The following AQP9 variants were observed in gnomAD, a reference collection of about 807,000 sequenced individuals.
AQP9 encodes the protein aquaporin 9, also known as aquaporin-9.
Under a neutral mutation model 23.8 loss-of-function variants are expected in AQP9, and 19 were observed. The ratio of observed to expected loss-of-function variants is 0.80; its 90% CI spans 0.56 to 1.17. The LOEUF (loss-of-function observed/expected upper bound fraction) is 1.17, where lower values mean the gene tolerates loss of function less well. AQP9 is among the 50% of genes most tolerant of loss of function. The pLI, the probability that AQP9 is intolerant of heterozygous loss-of-function variation, is 0.00. For synonymous variants in AQP9, 153 were observed against 131.5 expected (o/e 1.16, Z -1.12); for missense variants, 413 against 362.0 (o/e 1.14, Z -1.14).
intron 1 of AQP9, among the ~76,000 whole-genome samples, chr15:58,157,050 A>G (rs1343668171): frequency 6.6e-6 from 1 of 152,254 alleles, no homozygotes; most frequent in Non-Finnish European, 1.5e-5. Context: ...ATGTGCATAT[A>G]TACACACAGA....
In AQP9 at chr15:58,138,382, C is replaced by A; in HGVS notation, c.-184C>A. 4 of 518,966 alleles carry A rather than the reference C, an allele frequency of 7.7e-6. No homozygotes were observed. In the South Asian group the frequency reaches 8.7e-5, roughly 11 times the overall value. The allele number at this position is 518,966 out of a possible 1,614,324, so 32.1% of individuals were successfully genotyped here. A position where few individuals can be genotyped will look rare whatever the true frequency, so the allele number is the denominator to read the frequency against. On this transcript the variant is annotated 5_prime_UTR_variant, in exon 1 of 6. Transcript: ENST00000219919. ...AGCAGCGAACAGGGAATGACAGTTC[C>A]ACCAGAAGACGATTAAGCCACAGCC...
intron 1 of AQP9, among the ~76,000 whole-genome samples, chr15:58,154,611 A>G (rs1281028399): frequency 1.3e-5 from 2 of 152,118 alleles, no homozygotes; most frequent in Non-Finnish European, 2.9e-5. Flanking sequence ...CACCAAATTA[A>G]CACCAACTCT....
intron 5 of AQP9, among the ~76,000 whole-genome samples, chr15:58,182,511 A>G (rs1210068014): frequency 6.6e-6 from 1 of 152,210 alleles, no homozygotes; most frequent in Non-Finnish European, 1.5e-5. Context: ...GCTAAATGAC[A>G]GGAAGAAATT....
At chr15:58,177,013 G>A (rs765177823) in intron 4 of AQP9, among the ~76,000 whole-genome samples, 1 of 152,118 alleles carries the variant, frequency 6.6e-6, no homozygotes, top group African/African-American at 2.4e-5. Context: ...TAGAAAAAGC[G>A]AATATTAGAA....
rs576031197 is a variant in AQP9 at position 58,165,554 on chromosome 15, C to T, written c.112-1119C>T. Among the ~76,000 whole-genome samples the T allele has an allele frequency of 2.6e-5, 4 of 152,254 alleles. No individual in the cohort carries two copies. In the South Asian group the frequency reaches 6.2e-4, roughly 24 times the overall value. On this transcript the variant is annotated intron_variant, in intron 1 of 5. Transcript: ENST00000219919. ...AGAAATGCATGTAATGTATTTACTACAATTGGCAGCACGTTTTAGCACTGC... is the reference window on the plus strand; with the variant it reads ...AGAAATGCATGTAATGTATTTACTATAATTGGCAGCACGTTTTAGCACTGC...
chr15:58,179,440 G>C lies in AQP9; in HGVS notation c.713+95G>C, dbSNP rs183609124. On this transcript the variant is annotated intron_variant, in intron 5 of 5. Transcript: ENST00000219919. The stretch of plus-strand genomic sequence containing the variant: ...CATGGAGATCCAGGGAAGTTCAGAT[G>C]ACAGCGCCAACGTTAACTGCACACT... 3.9e-5 allele frequency: 45 copies of C among 1,155,978 alleles called. No individual in the cohort carries two copies. In the East Asian group the frequency reaches 1.2e-3, roughly 30 times the overall value. The allele number at this position is 1,155,978 out of a possible 1,614,324, so 71.6% of individuals were successfully genotyped here. A position where few individuals can be genotyped will look rare whatever the true frequency, so the allele number is the denominator to read the frequency against.
At chr15:58,169,769 T>C (rs1329465226) in intron 2 of AQP9, among the ~76,000 whole-genome samples, 1 of 152,240 alleles carries the variant, frequency 6.6e-6, no homozygotes, top group Non-Finnish European at 1.5e-5. Flanking sequence ...TCAGAGGTCA[T>C]AATACCCTAA....
chr15:58,162,136 A>G (rs1184749216), intron 1 of AQP9, among the ~76,000 whole-genome samples: 20 of 152,236 alleles, frequency 1.3e-4, no homozygotes, highest in African/African-American at 4.8e-4. Context: ...TTACCGTGTC[A>G]TAATGTGATA....
At chr15:58,170,220 C>T (rs1387686454) in intron 2 of AQP9, among the ~76,000 whole-genome samples, 3 of 152,116 alleles carry the variant, frequency 2.0e-5, no homozygotes, top group African/African-American at 7.2e-5. Context: ...TGGCCTCTAA[C>T]CAGAGGCATC....
intron 2 of AQP9, among the ~76,000 whole-genome samples, chr15:58,168,801 T>C (rs1022650001): frequency 6.6e-6 from 1 of 152,222 alleles, no homozygotes; most frequent in Admixed American, 6.5e-5. Context: ...CTGCCCTAAA[T>C]ATCCCGAGGC....
Position 58,138,512 on chromosome 15 carries a change from G to T in AQP9, c.-54G>T. 1 of 1,430,104 alleles carries T rather than the reference G, an allele frequency of 7.0e-7. No homozygotes were observed. Among genetic ancestry groups the T allele is most frequent in the South Asian group, 1.2e-5 (1 of 83,462 alleles). 88.6% of individuals were successfully genotyped at this position (1,430,104 alleles called of 1,614,324 possible). A position where few individuals can be genotyped will look rare whatever the true frequency, so the allele number is the denominator to read the frequency against. ...CATTTTCATCTGGCTGTGAAAGTGA[G>T]GACCACAACAGGTAGGTATTGGTAG... On this transcript the variant is annotated 5_prime_UTR_variant, in exon 1 of 6. It adds an upstream start codon to the 5' untranslated region. Coordinates refer to ENST00000219919, the MANE Select transcript of AQP9 (RefSeq NM_020980.5).
intron 2 of AQP9, among the ~76,000 whole-genome samples, chr15:58,167,443 A>G (rs1898533664): frequency 6.6e-6 from 1 of 152,200 alleles, no homozygotes; most frequent in Non-Finnish European, 1.5e-5. Flanking sequence ...CAGAGCATTG[A>G]GTCAAGACTT....
chr15:58,155,208 T>C (rs562576298), intron 1 of AQP9: 17 of 152,326 alleles, frequency 1.1e-4, no homozygotes, highest in Admixed American at 1.0e-3. Context: ...GTTATCTTCG[T>C]GCTAACGGCG....
At chr15:58,142,957 G>A (rs185704653) in intron 1 of AQP9, among the ~76,000 whole-genome samples, 2 of 152,228 alleles carry the variant, frequency 1.3e-5, no homozygotes, top group East Asian at 1.9e-4. Flanking sequence ...TGTCCAAGTC[G>A]TGCACCATCC....
At chr15:58,158,689 G>C (rs1407691173) in intron 1 of AQP9, among the ~76,000 whole-genome samples, 1 of 152,060 alleles carries the variant, frequency 6.6e-6, no homozygotes, top group Non-Finnish European at 1.5e-5. Context: ...AAATTTTCAA[G>C]AACTCTATAC....
chr15:58,158,531 T>C (rs1429723102), intron 1 of AQP9, among the ~76,000 whole-genome samples: 1 of 152,206 alleles, frequency 6.6e-6, no homozygotes, highest in Non-Finnish European at 1.5e-5. Flanking sequence ...GCATGCAACC[T>C]GGCACAAAGA....
chr15:58,154,356 C>G (rs537485767), intron 1 of AQP9: 1 of 152,158 alleles, frequency 6.6e-6, no homozygotes, highest in South Asian at 2.1e-4. Context: ...ATTTCCTCTC[C>G]TTTTTTATTT....
chr15:58,145,147 A>G (rs16939816), intron 1 of AQP9, among the ~76,000 whole-genome samples: 7,501 of 151,780 alleles, frequency 0.049, 368 homozygotes, highest in Admixed American at 0.15. Flanking sequence ...ATGTCCTCCT[A>G]TTGAGTTGAT....
At chr15:58,167,504 G>A (rs1485423174) in intron 2 of AQP9, among the ~76,000 whole-genome samples, 1 of 152,134 alleles carries the variant, frequency 6.6e-6, no homozygotes, top group East Asian at 1.9e-4. Context: ...TGAGCACTGT[G>A]CTAAATGCCA....
Sources: allele counts gnomAD v4.1 joint callset (sites outside exome capture counted in the v4.1 genomes callset), GRCh38; gene constraint gnomAD v4.1.1; transcripts MANE v1.5; gene names NCBI Gene and HGNC (gene_info 2026-07-23, HGNC 2026-07-21).